The following CAMK1D variants were observed in gnomAD, a reference collection of about 807,000 sequenced individuals.
CAMK1D encodes calcium/calmodulin dependent protein kinase ID, also known as calcium/calmodulin-dependent protein kinase type 1D.
In CAMK1D, 9 loss-of-function variants were observed where a neutral mutation model predicts 47.7. The ratio of observed to expected loss-of-function variants is 0.19; its 90% CI spans 0.11 to 0.33. CAMK1D has a LOEUF of 0.33. Among genes scored for constraint, CAMK1D ranks in the 10% least tolerant of loss-of-function variants. The pLI, the probability that CAMK1D is intolerant of heterozygous loss-of-function variation, is 1.00. For missense variants in CAMK1D, 291 were observed against 488.7 expected (o/e 0.60, Z 3.81); for synonymous variants, 184 against 184.9 (o/e 0.99, Z 0.04).
intron 1 of CAMK1D, among the ~76,000 whole-genome samples, chr10:12,487,301 CT>C (rs1228569642): frequency 6.6e-6 from 1 of 152,124 alleles, no homozygotes; most frequent in African/African-American, 2.4e-5. Context: ...CGGGTTTCCT[CT>C]TTTATATGGA....
intron 1 of CAMK1D, among the ~76,000 whole-genome samples, chr10:12,417,992 A>G (rs1036659142): frequency 3.9e-5 from 6 of 151,992 alleles, no homozygotes; most frequent in Admixed American, 6.6e-5. Flanking sequence ...AGTAGAGACG[A>G]GGTTTCACTA....
At chr10:12,537,251 T>C (rs1836004872) in intron 1 of CAMK1D, among the ~76,000 whole-genome samples, 1 of 152,206 alleles carries the variant, frequency 6.6e-6, no homozygotes, top group African/African-American at 2.4e-5. Flanking sequence ...TTTGTCTTTT[T>C]AGTAGAGACA....
At chr10:12,519,846 A>AC (rs1242169051) in intron 1 of CAMK1D, among the ~76,000 whole-genome samples, 1 of 13,898 alleles carries the variant, frequency 7.2e-5, no homozygotes, top group African/African-American at 2.9e-4. Context: ...CAGGGGGCTG[A>AC]CCCCCCCTCC....
At chr10:12,545,879 TGGGCAGAACTTGAACAAA>T (rs1180378297) in intron 1 of CAMK1D, among the ~76,000 whole-genome samples, 1 of 147,558 alleles carries the variant, frequency 6.8e-6, no homozygotes, top group African/African-American at 2.5e-5. Context: ...AAGGAGGGGG[TGGGCAGAACTTGAACAAA>T]GGCCAGTGGC....
chr10:12,594,504 C>T (rs923007308), intron 2 of CAMK1D, among the ~76,000 whole-genome samples: 2 of 152,180 alleles, frequency 1.3e-5, no homozygotes, highest in Non-Finnish European at 2.9e-5. Flanking sequence ...CACTCGGCCT[C>T]CACCACAGCC....
At chr10:12,447,740 C>G (rs1314336123) in intron 1 of CAMK1D, among the ~76,000 whole-genome samples, 1 of 152,248 alleles carries the variant, frequency 6.6e-6, no homozygotes, top group Non-Finnish European at 1.5e-5. Context: ...TTGTAGTTCA[C>G]TGTAGTCTTG....
rs183904055 is a variant in CAMK1D at position 12,828,904 on chromosome 10, G to A, written c.*17G>A. ...AGCAAGTGACTGGCCCTGGAGGTGG[G>A]GCCCGGGGTCGGGGCTGGGGAAGGG... On this transcript the variant is annotated 3_prime_UTR_variant, in exon 11 of 11. Coordinates refer to ENST00000619168, the MANE Select transcript of CAMK1D (RefSeq NM_153498.4). 87 of 1,584,450 alleles carry A rather than the reference G, an allele frequency of 5.5e-5. No individual in the cohort carries two copies. The East Asian group carries it at 1.8e-3, about 33-fold the overall frequency.
intron 1 of CAMK1D, among the ~76,000 whole-genome samples, chr10:12,420,084 C>T (rs541010048): frequency 6.6e-5 from 10 of 152,174 alleles, no homozygotes; most frequent in East Asian, 1.9e-4. Flanking sequence ...CTCAGCCTCC[C>T]GAGTAGCTGG....
chr10:12,405,850 G>A (rs17490068), intron 1 of CAMK1D, among the ~76,000 whole-genome samples: 28,982 of 152,190 alleles, frequency 0.19, 3,551 homozygotes, highest in Non-Finnish European at 0.28. Context: ...CAGGACCAAC[G>A]AGACTTCTGC....
At chr10:12,500,579 T>G (rs1332266961) in intron 1 of CAMK1D, among the ~76,000 whole-genome samples, 4 of 152,184 alleles carry the variant, frequency 2.6e-5, no homozygotes, top group African/African-American at 9.7e-5. Flanking sequence ...GAAGTTGAGG[T>G]ATACAGTAGA....
At chr10:12,666,912 G>A (rs905118962) in intron 3 of CAMK1D, 102 bp downstream of exon 3, 8 of 903,402 alleles carry the variant, frequency 8.9e-6, no homozygotes, top group African/African-American at 1.7e-5. Flanking sequence ...GCCAGGTAAG[G>A]CAGTAGGGAG....
At chr10:12,680,675 G>A (rs1840962160) in intron 3 of CAMK1D, among the ~76,000 whole-genome samples, 1 of 151,782 alleles carries the variant, frequency 6.6e-6, no homozygotes, top group Admixed American at 6.6e-5. Context: ...GGAAGAAGGG[G>A]AGTGGCTGGG....
At chr10:12,553,701 C>T (rs1157074087) in intron 2 of CAMK1D, among the ~76,000 whole-genome samples, 1 of 152,164 alleles carries the variant, frequency 6.6e-6, no homozygotes, top group Non-Finnish European at 1.5e-5. Context: ...GTCTCCCTGG[C>T]AGGGTGTTGT....
At chr10:12,660,601 ACTCT>A (rs1840247497) in intron 2 of CAMK1D, among the ~76,000 whole-genome samples, 1 of 151,702 alleles carries the variant, frequency 6.6e-6, no homozygotes, top group Non-Finnish European at 1.5e-5. Context: ...ATTCAAGTTG[ACTCT>A]CTCTGCCTGG....
chr10:12,628,087 AAAC>A (rs1259594560), intron 2 of CAMK1D, among the ~76,000 whole-genome samples: 1 of 137,820 alleles, frequency 7.3e-6, no homozygotes, highest in Admixed American at 7.5e-5. Context: ...TCTCAAAAAA[AAAC>A]AAAAAACAAA....
chr10:12,396,524 G>A (rs867567694), intron 1 of CAMK1D, among the ~76,000 whole-genome samples: 16 of 152,180 alleles, frequency 1.1e-4, no homozygotes, highest in Non-Finnish European at 7.3e-5. Context: ...GCCCTCCACT[G>A]GAGAACACTT....
chr10:12,715,391 G>A (rs570476515), intron 3 of CAMK1D, among the ~76,000 whole-genome samples: 1 of 152,142 alleles, frequency 6.6e-6, no homozygotes, highest in African/African-American at 2.4e-5. Flanking sequence ...GCTGCTTCAG[G>A]TGCATTTTAT....
At chr10:12,736,359 C>G (rs1158358442) in intron 3 of CAMK1D, among the ~76,000 whole-genome samples, 1 of 152,184 alleles carries the variant, frequency 6.6e-6, no homozygotes, top group Non-Finnish European at 1.5e-5. Context: ...CCCAGAGGCT[C>G]AGGTCTCTGA....
At chr10:12,693,514 GA>G (rs952964259) in intron 3 of CAMK1D, among the ~76,000 whole-genome samples, 3 of 151,914 alleles carry the variant, frequency 2.0e-5, no homozygotes, top group African/African-American at 7.3e-5. Flanking sequence ...TGGACATGGT[GA>G]GGGGGCCCTC....
Sources: gnomAD v4.1 joint callset for allele counts (sites outside exome capture counted in the v4.1 genomes callset) on GRCh38, gnomAD v4.1.1 for gene constraint, MANE v1.5 for transcripts, NCBI Gene and HGNC (gene_info 2026-07-23, HGNC 2026-07-21) for gene names.